Variants in PAM observed in about 807,000 individuals in gnomAD.
PAM encodes peptidyl-glycine alpha-amidating monooxygenase.
A neutral mutation model predicts 122.1 loss-of-function variants in PAM; 72 were observed. That is an observed-to-expected ratio of 0.59 (90% CI 0.49 to 0.72). The LOEUF (loss-of-function observed/expected upper bound fraction) is 0.72. Ranked by LOEUF, PAM falls within the 30% of genes least tolerant of loss-of-function variation. PAM has a pLI of 0.00. For synonymous variants in PAM, 389 were observed against 404.4 expected (o/e 0.96, Z 0.46); for missense variants, 1,106 against 1,183.7 (o/e 0.93, Z 0.96).
chr5:102,993,239 C>T (rs1271648533), intron 16 of PAM, among the ~76,000 whole-genome samples: 1 of 152,050 alleles, frequency 6.6e-6, no homozygotes, highest in Non-Finnish European at 1.5e-5. Flanking sequence ...TTTAAAGAGT[C>T]TCTTGTCTGC....
intron 1 of PAM, among the ~76,000 whole-genome samples, chr5:102,812,040 C>T (rs943243046): frequency 6.6e-5 from 10 of 152,068 alleles, no homozygotes; most frequent in African/African-American, 2.2e-4. Context: ...TCTTTAGAAA[C>T]AGAAGGGTAA....
intron 1 of PAM, among the ~76,000 whole-genome samples, chr5:102,862,147 G>A (rs1357003289): frequency 6.8e-6 from 1 of 147,894 alleles, no homozygotes; most frequent in East Asian, 2.0e-4. Context: ...TCCAGCCTGG[G>A]TGACAAAGTA....
intron 16 of PAM, among the ~76,000 whole-genome samples, chr5:102,992,136 A>C (rs1774264804): frequency 6.6e-6 from 1 of 152,168 alleles, no homozygotes; most frequent in Non-Finnish European, 1.5e-5. Flanking sequence ...TCTGTGGCTT[A>C]TCTGGCTGTG....
At chr5:102,919,079 C>T (rs936245486) in intron 5 of PAM, among the ~76,000 whole-genome samples, 1 of 151,814 alleles carries the variant, frequency 6.6e-6, no homozygotes, top group African/African-American at 2.4e-5. Context: ...AGGCTATTTC[C>T]AGCTGTTCTA....
chr5:102,914,228 T>A (rs928449826), intron 5 of PAM, among the ~76,000 whole-genome samples: 3 of 152,034 alleles, frequency 2.0e-5, no homozygotes, highest in Non-Finnish European at 4.4e-5. Flanking sequence ...CCTTTGTCAC[T>A]GACTTAATAA....
At chr5:102,976,810 G>T (rs1447689817) in intron 15 of PAM, among the ~76,000 whole-genome samples, 3 of 152,166 alleles carry the variant, frequency 2.0e-5, no homozygotes, top group South Asian at 2.1e-4. Context: ...TGAGGTCACA[G>T]ATCTAAATCT....
At chr5:102,911,678 T>C (rs1162655650) in intron 4 of PAM, among the ~76,000 whole-genome samples, 1 of 152,162 alleles carries the variant, frequency 6.6e-6, no homozygotes, top group East Asian at 1.9e-4. Flanking sequence ...GTTGTCTTTA[T>C]GATCTATTCC....
chr5:102,925,496 G>A (rs1426934615), intron 6 of PAM, among the ~76,000 whole-genome samples: 1 of 152,178 alleles, frequency 6.6e-6, no homozygotes, highest in Non-Finnish European at 1.5e-5. Flanking sequence ...ATGTGTGAGT[G>A]TACTACCAGA....
Position 103,028,890 on chromosome 5 carries a change from A to G in PAM, c.2747A>G (p.Lys916Arg). ...GTTATTGTTTGCTTTTTTTCAGGAA[A>G]GGGAAGTGGAGGCTTAAACCTTGGT... ...SGRVLGRFRG[K>R]GSGGLNLGNF... The change falls in exon 26 of 26, where the codon AAG (lysine) becomes AGG (arginine). Residue 916 changes from lysine to arginine, a missense_variant. Lys to Arg is a conservative substitution (Grantham distance 26, BLOSUM62 2). Coordinates refer to ENST00000438793, the MANE Select transcript of PAM (RefSeq NM_001177306.2). 6.3e-7 allele frequency: 1 copy of G among 1,596,058 alleles called. No homozygotes were observed. Among genetic ancestry groups the G allele is most frequent in the Non-Finnish European group, 8.5e-7 (1 of 1,174,086 alleles).
intron 5 of PAM, among the ~76,000 whole-genome samples, chr5:102,921,621 C>T (rs1747490336): frequency 1.3e-5 from 2 of 151,974 alleles, no homozygotes; most frequent in Admixed American, 1.3e-4. Context: ...CCAATGTTTG[C>T]TTGGAAGCTC....
intron 1 of PAM, among the ~76,000 whole-genome samples, chr5:102,827,273 G>C (rs1773935742): frequency 6.6e-6 from 1 of 152,028 alleles, no homozygotes; most frequent in Admixed American, 6.6e-5. Flanking sequence ...CAGATTTTCA[G>C]ATTAGTGATG....
intron 7 of PAM, among the ~76,000 whole-genome samples, chr5:102,936,292 C>CT (rs746468532): frequency 4.5e-4 from 69 of 152,146 alleles, no homozygotes; most frequent in Middle Eastern, 3.4e-3. Context: ...AAAGTTCTGT[C>CT]TATTATTTTG....
intron 1 of PAM, among the ~76,000 whole-genome samples, chr5:102,807,690 C>T (rs1766606673): frequency 6.6e-6 from 1 of 152,114 alleles, no homozygotes; most frequent in South Asian, 2.1e-4. Flanking sequence ...TGTGAGCTTT[C>T]TTTTGAAAGG....
intron 7 of PAM, among the ~76,000 whole-genome samples, chr5:102,928,436 C>G (rs146512835): frequency 5.3e-5 from 8 of 152,054 alleles, no homozygotes; most frequent in African/African-American, 1.7e-4. Flanking sequence ...GAAATTTTAA[C>G]TTTTCAATAG....
chr5:103,005,468 G>A (rs527777664), intron 18 of PAM, among the ~76,000 whole-genome samples: 1 of 152,184 alleles, frequency 6.6e-6, no homozygotes, highest in Non-Finnish European at 1.5e-5. Flanking sequence ...TTCAAGAACA[G>A]GGTGCCAGCA....
intron 1 of PAM, among the ~76,000 whole-genome samples, chr5:102,863,996 G>T (rs1784843286): frequency 6.6e-6 from 1 of 151,142 alleles, no homozygotes; most frequent in African/African-American, 2.4e-5. Context: ...GAGATAAGTG[G>T]AATATTTTTT....
intron 15 of PAM, among the ~76,000 whole-genome samples, chr5:102,986,410 T>A (rs1771843315): frequency 6.6e-6 from 1 of 152,080 alleles, no homozygotes; most frequent in African/African-American, 2.4e-5. Flanking sequence ...AATCTCAACA[T>A]GTGAAAATCA....
In PAM at chr5:102,990,353, A is replaced by G. The variant is rs756040485; in HGVS notation, c.1565A>G (p.Lys522Arg). ...GQVSGVALDP[K>R]NNLVIFHRGD... ...GTTTCTGGGGTGGCTCTAGACCCTA[A>G]GAATAACCTGGTGATTTTCCACAGA... Residue 522 changes from lysine (K) to arginine (R), a missense_variant, in exon 16 of 26, where the codon AAG becomes AGG. Coordinates refer to ENST00000438793, the MANE Select transcript of PAM (RefSeq NM_001177306.2). 1.2e-6 allele frequency: 2 copies of G among 1,609,608 alleles called. No individual in the cohort carries two copies. Among genetic ancestry groups the G allele is most frequent in the South Asian group, 1.1e-5 (1 of 90,546 alleles).
chr5:102,946,639 T>C lies in PAM; in HGVS notation c.527-198T>C, dbSNP rs1024708214. 4.0e-5 allele frequency among the ~76,000 whole-genome samples: 6 copies of C among 150,736 alleles called. No homozygotes were observed. The Admixed American group carries it at 4.0e-4, about 10-fold the overall frequency. On this transcript the variant is annotated intron_variant, in intron 7 of 25. Transcript: ENST00000438793. ...CATAGACTGCATGAAATGATAGTTT[T>C]GTTTTTGCTGTTATGATACATTGGC... is the stretch of plus-strand genomic sequence containing the variant.
Sources: gnomAD v4.1 joint callset for allele counts (sites outside exome capture counted in the v4.1 genomes callset) on GRCh38, gnomAD v4.1.1 for gene constraint, MANE v1.5 for transcripts, NCBI Gene and HGNC (gene_info 2026-07-23, HGNC 2026-07-21) for gene names.